VIRMA: variants seen among roughly 807,000 people sequenced by gnomAD.
VIRMA encodes protein virilizer homolog.
VIRMA carries 65 observed loss-of-function variants against 182.4 expected under a neutral mutation model. The ratio of observed to expected loss-of-function variants is 0.36; its 90% CI spans 0.29 to 0.44. The LOEUF (loss-of-function observed/expected upper bound fraction) is 0.44, where lower values mean the gene tolerates loss of function less well. Ranked by LOEUF, VIRMA falls within the 20% of genes least tolerant of loss-of-function variation. VIRMA has a pLI of 1.00. For synonymous variants in VIRMA, 709 were observed against 743.1 expected, an observed-to-expected ratio of 0.95 and a Z score of 0.75; for missense variants, 1,752 against 2,158.1, an observed-to-expected ratio of 0.81 and a Z score of 3.73.
chr8:94,505,945 A>G (rs998856448), intron 16 of VIRMA, among the ~76,000 whole-genome samples: 1 of 152,212 alleles, frequency 6.6e-6, no homozygotes, highest in Non-Finnish European at 1.5e-5. Flanking sequence ...GAATAAAAAA[A>G]TACAAATTTT....
intron 11 of VIRMA, among the ~76,000 whole-genome samples, chr8:94,513,543 G>A (rs1311367169): frequency 6.6e-6 from 1 of 151,880 alleles, no homozygotes; most frequent in Admixed American, 6.6e-5. Flanking sequence ...TGAAGTTTCA[G>A]TCTTGGATCA....
chr8:94,492,572 G>T, intron 21 of VIRMA, 80 bp downstream of exon 21: 2 of 1,292,372 alleles, frequency 1.5e-6, no homozygotes, highest in Non-Finnish European at 2.2e-6. Context: ...GCGCTCGGCC[G>T]CATGTGTCTA....
At chr8:94,551,316 A>C (rs1297102026) in intron 1 of VIRMA, among the ~76,000 whole-genome samples, 1 of 152,214 alleles carries the variant, frequency 6.6e-6, no homozygotes, top group African/African-American at 2.4e-5. Context: ...AGCTAGTTCT[A>C]ATACGTCAGA....
intron 11 of VIRMA, among the ~76,000 whole-genome samples, chr8:94,513,506 T>C (rs1431799455): frequency 6.6e-6 from 1 of 151,954 alleles, no homozygotes; most frequent in Non-Finnish European, 1.5e-5. Context: ...TTCCACAAAT[T>C]ACATAAGGCA....
chr8:94,505,105 G>C (rs888390875), intron 16 of VIRMA, among the ~76,000 whole-genome samples: 2 of 152,144 alleles, frequency 1.3e-5, no homozygotes, highest in African/African-American at 2.4e-5. Flanking sequence ...AAGGTTAAAG[G>C]CTTTGGTGAG....
chr8:94,520,921 G>A (rs561920272), intron 8 of VIRMA, among the ~76,000 whole-genome samples: 4 of 152,228 alleles, frequency 2.6e-5, no homozygotes, highest in East Asian at 1.9e-4. Context: ...TTTATGAGAC[G>A]AAATCTAGCT....
chr8:94,546,997 A>G (rs530206063), intron 1 of VIRMA: 4 of 455,152 alleles, frequency 8.8e-6, no homozygotes, highest in African/African-American at 8.2e-5. Flanking sequence ...GAAATCTATC[A>G]CATCCTTCTG....
Position 94,509,875 on chromosome 8 carries a change from G to A in VIRMA, c.3692C>T (p.Ala1231Val), listed in dbSNP as rs779309613. Reference sequence around the variant, plus strand: ...TTTACAAGCTTTGTGTGAAGCCAGAGCATCAAGAAGAGCAAGCAACCTGGT... The same window carrying A: ...TTTACAAGCTTTGTGTGAAGCCAGAACATCAAGAAGAGCAAGCAACCTGGT... ...QTTRLLALLD[A>V]LASHKACKLA... is the part of the protein sequence containing the mutation. Residue 1231 changes from alanine to valine, a missense_variant, in exon 15 of 24, where the codon GCT becomes GTT. Around this residue, in one of 11 missense-constraint regions of VIRMA, gnomAD observed 777 missense variants for 920.6 expected, o/e 0.84. Coordinates refer to ENST00000297591, the MANE Select transcript of VIRMA (RefSeq NM_015496.5). 5.6e-6 allele frequency: 9 copies of A among 1,613,608 alleles called. No homozygotes were observed. The highest frequency in any genetic ancestry group is 1.7e-5 in the Admixed American group (1 of 59,996).
At position 94,526,656 on chromosome 8, in the gene VIRMA, C is replaced by A. The variant is rs1441007680; in HGVS notation, c.1588G>T (p.Gly530Cys). ...FLRGRQNEKS[G>C]YQKLLELILL... is the part of the protein sequence containing the mutation. ...ATGAGTTCCAGAAGCTTTTGATAAC[C>A]ACTTTTTTCATTCTGCCTACCTCTT... The change falls in exon 8 of 24, where the codon GGT becomes TGT. Residue 530 changes from glycine to cysteine, a missense_variant. Physicochemically the swap from Gly to Cys is radical, Grantham distance 159 (BLOSUM62 -3). Transcript: ENST00000297591. 6.2e-7 allele frequency: 1 copy of A among 1,614,080 alleles called. No individual in the cohort carries two copies. The highest frequency in any genetic ancestry group is 2.2e-5 in the East Asian group (1 of 44,882).
chr8:94,512,194 AACATACAATATTTTAT>A, intron 11 of VIRMA, 105 bp from the exon 12 acceptor site: 1 of 397,634 alleles, frequency 2.5e-6, no homozygotes, highest in Non-Finnish European at 4.5e-6. Flanking sequence ...TCAAGTTAAG[AACATACAATATTTTAT>A]ATTTATTAAG....
Position 94,495,771 on chromosome 8 carries a change from G to T in VIRMA, c.4504C>A (p.Leu1502Ile), listed in dbSNP as rs546605218. The T allele has an allele frequency of 3.1e-6, 5 of 1,613,920 alleles. No homozygotes were observed. Among genetic ancestry groups the T allele is most frequent in the East Asian group, 2.2e-5 (1 of 44,862 alleles). The change falls in exon 19 of 24, where the codon CTT becomes ATT. Residue 1502 changes from leucine to isoleucine, a missense_variant. Physicochemically the swap from Leu to Ile is conservative, Grantham distance 5 (BLOSUM62 2). Coordinates refer to ENST00000297591, the MANE Select transcript of VIRMA (RefSeq NM_015496.5). ...PLSDQDVEPV[L>I]SAPESLQNLF... is the part of the protein sequence containing the mutation. ...TTCTGAAGAGATTCTGGAGCTGAAA[G>T]TACTGGTTCTACATCCTGGTCACTG...
chr8:94,528,336 T>A (rs3098718), intron 7 of VIRMA, among the ~76,000 whole-genome samples: 1 of 151,410 alleles, frequency 6.6e-6, no homozygotes, highest in Non-Finnish European at 1.5e-5. Flanking sequence ...TGATAATCTG[T>A]GAATGGGGAA....
chr8:94,549,876 G>A (rs575598564), intron 1 of VIRMA, among the ~76,000 whole-genome samples: 29 of 152,212 alleles, frequency 1.9e-4, no homozygotes, highest in African/African-American at 6.0e-4. Context: ...TGGGAGAATC[G>A]CTTGAGCTCA....
chr8:94,545,403 G>A (rs1485802535), intron 1 of VIRMA, among the ~76,000 whole-genome samples: 24 of 152,078 alleles, frequency 1.6e-4, no homozygotes, highest in Admixed American at 1.6e-3. Flanking sequence ...AGAATATCAT[G>A]CTTACCAACA....
rs766254891 is a variant in VIRMA, at chr8:94,511,353, T to A, written c.3222A>T (p.Gly1074=). ...IIDILLTFTQ[G]VNEKLTISEE... ...CTGAGATTGTGAGTTTTTCATTAAC[T>A]CCTTGTGTAAAAGTCAGTAAAATAT... Residue 1074 remains glycine (G), a synonymous_variant, in exon 13 of 24, where the codon GGA becomes GGT. Transcript: ENST00000297591. 13 of 1,613,878 alleles carry A rather than the reference T, an allele frequency of 8.1e-6. No individual in the cohort carries two copies. In the Admixed American group the frequency reaches 1.5e-4, roughly 19 times the overall value.
rs779788896 is a variant in VIRMA at position 94,510,670 on chromosome 8, T to C, written c.3391-18A>G. On this transcript the variant is annotated intron_variant, in intron 13 of 23. Transcript: ENST00000297591. ...TCAATAACCTGTTAAAAAAGTATAA[T>C]GTGTGTGTACGTAGATTTTTTAATA... 9.7e-6 allele frequency: 15 copies of C among 1,542,508 alleles called. No individual in the cohort carries two copies. The highest frequency in any genetic ancestry group is 1.4e-5 in the African/African-American group (1 of 73,546).
At chr8:94,521,423 T>C (rs1395407421) in intron 8 of VIRMA, among the ~76,000 whole-genome samples, 1 of 152,144 alleles carries the variant, frequency 6.6e-6, no homozygotes. Flanking sequence ...TTAACCAGAT[T>C]TTAAAGAAAA....
At chr8:94,513,785 G>T (rs1463353494) in intron 11 of VIRMA, among the ~76,000 whole-genome samples, 3 of 151,994 alleles carry the variant, frequency 2.0e-5, no homozygotes, top group African/African-American at 7.3e-5. Context: ...AAATTTACAG[G>T]ATATTAATTG....
intron 18 of VIRMA, 174 bp from the exon 19 acceptor site, chr8:94,496,065 T>C: frequency 3.1e-6 from 2 of 647,192 alleles, no homozygotes; most frequent in Non-Finnish European, 5.0e-6. Flanking sequence ...ACACTTGTCA[T>C]TTTATTTCTA....
Sources: gnomAD v4.1 joint callset for allele counts (sites outside exome capture counted in the v4.1 genomes callset) on GRCh38, gnomAD v4.1.1 for gene constraint, gnomAD v4.1.1 regional missense constraint, MANE v1.5 for transcripts, NCBI Gene and HGNC (gene_info 2026-07-23, HGNC 2026-07-21) for gene names.